GFM1: variants seen among roughly 807,000 people sequenced by gnomAD.
GFM1 encodes the protein G elongation factor mitochondrial 1.
A neutral mutation model predicts 96.2 loss-of-function variants in GFM1; 62 were observed. The observed-to-expected ratio is 0.64, with a 90% CI of 0.53 to 0.80. The LOEUF is 0.80. Among genes scored for constraint, GFM1 ranks in the 30% least tolerant of loss-of-function variants. The pLI, the probability that GFM1 is intolerant of heterozygous loss-of-function variation, is 0.00. For synonymous variants in GFM1, 282 were observed against 312.9 expected, an observed-to-expected ratio of 0.90 and a Z score of 1.04; for missense variants, 852 against 916.6, an observed-to-expected ratio of 0.93 and a Z score of 0.91.
At chr3:158,673,535 G>C (rs1255547656) in intron 13 of GFM1, among the ~76,000 whole-genome samples, 2 of 119,462 alleles carry the variant, frequency 1.7e-5, no homozygotes, top group Non-Finnish European at 3.4e-5. Flanking sequence ...TTTTGAGATG[G>C]AATTTCACTC....
At chr3:158,666,725 A>G in intron 13 of GFM1, 2 of 1,613,942 alleles carry the variant, frequency 1.2e-6, no homozygotes, top group African/African-American at 1.3e-5. Flanking sequence ...GAGAACTTGC[A>G]TTTGCCAGGG....
At position 158,691,386 on chromosome 3, in the gene GFM1, A is replaced by G. The variant is rs1282524742; in HGVS notation, c.2175A>G (p.Pro725=). Residue 725 remains proline (P), a synonymous_variant, in exon 18 of 18, where the codon CCA becomes CCG. Transcript: ENST00000486715. The part of the protein sequence containing the change: ...MEYSRYQPCL[P]STQEDVINKY... Reference sequence around the variant, plus strand: ...ATAGCAGGTATCAGCCATGTTTACCATCCACACAAGAAGACGTCATTAATA... The same window carrying G: ...ATAGCAGGTATCAGCCATGTTTACCGTCCACACAAGAAGACGTCATTAATA... The G allele has an allele frequency of 5.0e-6, 8 of 1,613,878 alleles. No homozygotes were observed. In the South Asian group the frequency reaches 6.6e-5, roughly 13 times the overall value.
rs1281438363 is a variant in GFM1 at position 158,695,537 on chromosome 3, A to G, written c.*4070A>G. ...TGTATAGAATTCCCCCTCATAATCT[A>G]TTGTACTGTAATAAATCTGCTAAAA... On this transcript the variant is annotated 3_prime_UTR_variant, in exon 18 of 18. Transcript: ENST00000486715. The G allele has an allele frequency of 6.6e-6, 1 of 152,192 alleles. No individual in the cohort carries two copies. The highest frequency in any genetic ancestry group is 1.5e-5 in the Non-Finnish European group (1 of 68,042). 9.4% of individuals were successfully genotyped at this position (152,192 alleles called of 1,614,324 possible). A position where few individuals can be genotyped will look rare whatever the true frequency, so the allele number is the denominator to read the frequency against.
intron 13 of GFM1, among the ~76,000 whole-genome samples, chr3:158,677,974 C>T (rs575576285): frequency 6.6e-6 from 1 of 152,276 alleles, no homozygotes; most frequent in South Asian, 2.1e-4. Flanking sequence ...AAGACAGTGC[C>T]CCTTTCTCAT....
At chr3:158,661,666 G>A in intron 10 of GFM1, among the ~76,000 whole-genome samples, 1 of 152,058 alleles carries the variant, frequency 6.6e-6, no homozygotes, top group East Asian at 1.9e-4. Flanking sequence ...CTTACATTAT[G>A]ACCATCTGTT....
At chr3:158,650,156 G>A in intron 5 of GFM1, 1 of 1,035,850 alleles carries the variant, frequency 9.7e-7, no homozygotes, top group Non-Finnish European at 1.4e-6. Flanking sequence ...CAGTGGATAA[G>A]GTGTTTCTCT....
intron 10 of GFM1, among the ~76,000 whole-genome samples, chr3:158,661,807 C>T (rs902038502): frequency 1.3e-5 from 2 of 152,132 alleles, no homozygotes; most frequent in Non-Finnish European, 2.9e-5. Context: ...TGTAATACTT[C>T]CTGCTATCTA....
At chr3:158,686,649 A>G (rs1207992972) in intron 15 of GFM1, among the ~76,000 whole-genome samples, 1 of 117,358 alleles carries the variant, frequency 8.5e-6, no homozygotes, top group Non-Finnish European at 1.7e-5. Context: ...GGTATAGTAT[A>G]TATATTATTA....
intron 13 of GFM1, chr3:158,672,552 T>G: frequency 6.3e-7 from 1 of 1,578,976 alleles, no homozygotes; most frequent in Non-Finnish European, 8.6e-7. Flanking sequence ...CCGCCCGTCC[T>G]GCTTGCTGCT....
At position 158,683,877 on chromosome 3, in the gene GFM1, A is replaced by G. The variant is rs907475462; in HGVS notation, c.1765-647A>G. On this transcript the variant is annotated intron_variant, in intron 14 of 17. Coordinates refer to ENST00000486715, the MANE Select transcript of GFM1 (RefSeq NM_024996.7). ...AATATGCTTTTCCAAGGAATTGTTCATCTAAATGCCACGATAATAAAACTT... is the reference window on the plus strand; with the variant it reads ...AATATGCTTTTCCAAGGAATTGTTCGTCTAAATGCCACGATAATAAAACTT... Among the ~76,000 whole-genome samples the G allele has an allele frequency of 3.9e-5, 6 of 152,350 alleles. No individual in the cohort carries two copies. The East Asian group carries it at 1.2e-3, about 29-fold the overall frequency.
intron 8 of GFM1, chr3:158,655,904 C>T (rs923146631): frequency 2.2e-6 from 1 of 457,248 alleles, no homozygotes; most frequent in African/African-American, 2.0e-5. Context: ...TCCTTATGAT[C>T]TCCTAGGCTG....
At chr3:158,672,505 T>G in intron 13 of GFM1, 2 of 1,612,802 alleles carry the variant, frequency 1.2e-6, no homozygotes, top group African/African-American at 2.7e-5. Flanking sequence ...CTTCAGGGCT[T>G]GGGCTACTCT....
chr3:158,654,873 A>G (rs1019032922), intron 8 of GFM1, among the ~76,000 whole-genome samples: 2 of 152,176 alleles, frequency 1.3e-5, no homozygotes, highest in Non-Finnish European at 2.9e-5. Context: ...TACTACCTGT[A>G]TAGTTTTGTC....
chr3:158,651,921 C>T (rs1722325735), intron 5 of GFM1, among the ~76,000 whole-genome samples, 175 bp from the exon 6 acceptor site: 1 of 152,036 alleles, frequency 6.6e-6, no homozygotes, highest in African/African-American at 2.4e-5. Context: ...TATTTATCTA[C>T]TATTCTGTGT....
At chr3:158,682,476 G>A in intron 14 of GFM1, 1 of 282,556 alleles carries the variant, frequency 3.5e-6, no homozygotes, top group Non-Finnish European at 6.9e-6. Flanking sequence ...AGTTTTATGT[G>A]TACTATTGCA....
chr3:158,666,324 C>T lies in GFM1; in HGVS notation c.1539C>T (p.Gly513=), dbSNP rs1723675930. ...IYAQRLEREY[G]CPCITGKPKV... ...TTTAGAGGCTGGAAAGAGAGTATGG[C>T]TGTCCTTGTATCACAGGAAAGCCAA... Residue 513 remains glycine, a synonymous_variant, in exon 13 of 18, where the codon GGC becomes GGT. Transcript: ENST00000486715. 2 of 1,613,096 alleles carry T rather than the reference C, an allele frequency of 1.2e-6. No homozygotes were observed. The highest frequency in any genetic ancestry group is 1.3e-5 in the African/African-American group (1 of 74,882).
chr3:158,691,490 G>T lies in GFM1; in HGVS notation c.*23G>T. On this transcript the variant is annotated 3_prime_UTR_variant, in exon 18 of 18. Coordinates refer to ENST00000486715, the MANE Select transcript of GFM1 (RefSeq NM_024996.7). The stretch of plus-strand genomic sequence containing the variant: ...TAACTTTGCTTACTGTGAGTTGACT[G>T]ACTCTAATTGAATCTGCGTGGTTTT... 6.2e-7 allele frequency: 1 copy of T among 1,612,212 alleles called. No homozygotes were observed. Among genetic ancestry groups the T allele is most frequent in the South Asian group, 1.1e-5 (1 of 90,690 alleles).
rs1722432778 is a variant in GFM1, at chr3:158,653,168, T to C, written c.841-142T>C. On this transcript the variant is annotated intron_variant, in intron 6 of 17. Coordinates refer to ENST00000486715, the MANE Select transcript of GFM1 (RefSeq NM_024996.7). ...CTTTGTATTTTGACCTTAAGTTCAT[T>C]GGAGACCTGATTTTAGTCTCTATTA... 18 of 644,064 alleles carry C rather than the reference T, an allele frequency of 2.8e-5. No homozygotes were observed. The South Asian group carries it at 3.3e-4, about 12-fold the overall frequency. 39.9% of individuals were successfully genotyped at this position (644,064 alleles called of 1,614,324 possible).
intron 8 of GFM1, among the ~76,000 whole-genome samples, chr3:158,655,050 A>T (rs1225459495): frequency 1.3e-5 from 2 of 152,204 alleles, no homozygotes; most frequent in African/African-American, 4.8e-5. Flanking sequence ...TACTGTTATA[A>T]ATAACATTGG....
Sources: gnomAD v4.1 joint callset for allele counts (sites outside exome capture counted in the v4.1 genomes callset) on GRCh38, gnomAD v4.1.1 for gene constraint, MANE v1.5 for transcripts, NCBI Gene and HGNC (gene_info 2026-07-23, HGNC 2026-07-21) for gene names.